Variants in UBE2E2 observed in about 807,000 individuals in gnomAD.
UBE2E2 encodes ubiquitin-conjugating enzyme E2 E2.
In UBE2E2, 6 loss-of-function variants were observed where a neutral mutation model predicts 24.7. The ratio of observed to expected loss-of-function variants is 0.24; its 90% CI spans 0.13 to 0.48. The LOEUF is 0.48. UBE2E2 is among the 20% of genes least tolerant of loss of function. The pLI, the probability that UBE2E2 is intolerant of heterozygous loss-of-function variation, is 0.99. For synonymous variants in UBE2E2, 104 were observed against 83.6 expected (o/e 1.24, Z -1.33); for missense variants, 169 against 245.0 (o/e 0.69, Z 2.07).
chr3:23,302,813 C>T (rs568063275), intron 3 of UBE2E2, among the ~76,000 whole-genome samples: 4 of 152,288 alleles, frequency 2.6e-5, no homozygotes, highest in East Asian at 1.9e-4. Context: ...TTATCAAAAA[C>T]GGACTGCAGT....
chr3:23,531,543 C>G (rs1695123083), intron 4 of UBE2E2, among the ~76,000 whole-genome samples: 1 of 152,092 alleles, frequency 6.6e-6, no homozygotes, highest in African/African-American at 2.4e-5. Flanking sequence ...TTCACAATTA[C>G]ATGTAAGCAG....
intron 3 of UBE2E2, among the ~76,000 whole-genome samples, chr3:23,231,902 C>T (rs183391054): frequency 8.1e-4 from 123 of 152,300 alleles, no homozygotes; most frequent in South Asian, 2.1e-3. Context: ...AGGAGCTTCT[C>T]TACCCATGGA....
At chr3:23,365,724 A>G (rs1696241660) in intron 3 of UBE2E2, among the ~76,000 whole-genome samples, 2 of 152,196 alleles carry the variant, frequency 1.3e-5, no homozygotes, top group Non-Finnish European at 2.9e-5. Flanking sequence ...ATTCCTATCA[A>G]ACTACTGATG....
Position 23,407,605 on chromosome 3 carries a change from TG to T in UBE2E2, c.228-92000del, listed in dbSNP as rs1266491934. ...CTTTTTATGGTTTGTATGTTTGTTT[TG>T]GGAGGAGTGCATGTGTGTGTGTTTG... On this transcript the variant is annotated intron_variant, in intron 3 of 5. Transcript: ENST00000396703. This position sits in a 1 kb window ranked among gnomAD's most constrained non-coding sequence, Gnocchi z 4.0. 6.6e-6 allele frequency among the ~76,000 whole-genome samples: 1 copy of T among 151,394 alleles called. No individual in the cohort carries two copies. Among genetic ancestry groups the T allele is most frequent in the African/African-American group, 2.4e-5 (1 of 41,114 alleles).
chr3:23,554,475 G>A (rs1695725796), intron 5 of UBE2E2, among the ~76,000 whole-genome samples: 1 of 152,050 alleles, frequency 6.6e-6, no homozygotes, highest in Non-Finnish European at 1.5e-5. Context: ...TGATCACACT[G>A]CATTCCAGAC....
At chr3:23,549,074 T>C (rs1695583650) in intron 5 of UBE2E2, among the ~76,000 whole-genome samples, 1 of 152,236 alleles carries the variant, frequency 6.6e-6, no homozygotes, top group African/African-American at 2.4e-5. Context: ...GCTAAACTGT[T>C]TCTTTTTTTA....
At chr3:23,508,789 G>A (rs894967260) in intron 4 of UBE2E2, among the ~76,000 whole-genome samples, 25 of 152,310 alleles carry the variant, frequency 1.6e-4, no homozygotes, top group Admixed American at 1.6e-3. Flanking sequence ...AACTGGGAGG[G>A]GTAGATAGGC....
chr3:23,219,259 G>T (rs1696561134), intron 3 of UBE2E2, among the ~76,000 whole-genome samples: 1 of 152,130 alleles, frequency 6.6e-6, no homozygotes, highest in Admixed American at 6.5e-5. Flanking sequence ...GGCAAGCAAA[G>T]GGTCCTCTGT....
At chr3:23,232,481 A>G (rs911990940) in intron 3 of UBE2E2, among the ~76,000 whole-genome samples, 14 of 147,580 alleles carry the variant, frequency 9.5e-5, no homozygotes, top group African/African-American at 3.4e-4. Context: ...TACCCCTTCA[A>G]ATTTATCAAA....
rs527309991 is a variant in UBE2E2, at chr3:23,419,192, C to A, written c.228-80416C>A. ...GTTGTCCAGGCTGGTCTTAAGCTTC[C>A]TCCTGGCCTCAAGCAGTTATCCTGC... is the stretch of plus-strand genomic sequence containing the variant. On this transcript the variant is annotated intron_variant, in intron 3 of 5. Transcript: ENST00000396703. 2.0e-5 allele frequency among the ~76,000 whole-genome samples: 3 copies of A among 152,096 alleles called. No individual in the cohort carries two copies. The East Asian group carries it at 5.8e-4, about 29-fold the overall frequency.
chr3:23,246,255 C>T (rs1016295401), intron 3 of UBE2E2, among the ~76,000 whole-genome samples: 1 of 125,808 alleles, frequency 7.9e-6, no homozygotes, highest in African/African-American at 3.3e-5. Context: ...GAGTCTCGCT[C>T]TGTCGCCCAG....
chr3:23,482,351 G>A (rs1413775815), intron 3 of UBE2E2, among the ~76,000 whole-genome samples: 2 of 152,176 alleles, frequency 1.3e-5, no homozygotes, highest in South Asian at 2.1e-4. Context: ...AAGTAAACTT[G>A]CGTCTTCTGT....
chr3:23,463,186 A>AT (rs1698848244), intron 3 of UBE2E2, among the ~76,000 whole-genome samples: 1 of 152,094 alleles, frequency 6.6e-6, no homozygotes, highest in Non-Finnish European at 1.5e-5. Context: ...CCCCCTTAAA[A>AT]CATTAATTCT....
intron 3 of UBE2E2, among the ~76,000 whole-genome samples, chr3:23,218,406 A>G (rs1294836374): frequency 6.6e-6 from 1 of 152,126 alleles, no homozygotes; most frequent in Non-Finnish European, 1.5e-5. Context: ...GGACTGTATT[A>G]CATCAAAGCC....
intron 3 of UBE2E2, among the ~76,000 whole-genome samples, chr3:23,403,859 T>A (rs1473792006): frequency 6.9e-6 from 1 of 144,798 alleles, no homozygotes; most frequent in Non-Finnish European, 1.5e-5. Flanking sequence ...TTTAAAAACA[T>A]AGAGGACAAA....
At chr3:23,269,122 C>T in intron 3 of UBE2E2, among the ~76,000 whole-genome samples, 1 of 151,976 alleles carries the variant, frequency 6.6e-6, no homozygotes, top group Non-Finnish European at 1.5e-5. Flanking sequence ...CTAGGCATTA[C>T]TGTTCAGGAC....
At chr3:23,320,010 CAAG>C (rs757278336) in intron 3 of UBE2E2, among the ~76,000 whole-genome samples, 4 of 152,072 alleles carry the variant, frequency 2.6e-5, no homozygotes, top group Non-Finnish European at 4.4e-5. Flanking sequence ...AGTTTTCTTT[CAAG>C]AAGGAGACTT....
At chr3:23,567,946 C>G (rs2125509539) in intron 5 of UBE2E2, among the ~76,000 whole-genome samples, 1 of 152,200 alleles carries the variant, frequency 6.6e-6, no homozygotes, top group South Asian at 2.1e-4. Context: ...TGGTTGGTCC[C>G]ACCTTTAGCA....
intron 5 of UBE2E2, among the ~76,000 whole-genome samples, chr3:23,564,036 T>TG (rs1375313156): frequency 7.2e-6 from 1 of 138,764 alleles, no homozygotes; most frequent in Non-Finnish European, 1.6e-5. Flanking sequence ...AGGTTTTTTC[T>TG]GTTTTTTTTT....
Sources: gnomAD v4.1 joint callset for allele counts (sites outside exome capture counted in the v4.1 genomes callset) on GRCh38, gnomAD v4.1.1 for gene constraint, Gnocchi (gnomAD v3.1) non-coding constraint, MANE v1.5 for transcripts, NCBI Gene and HGNC (gene_info 2026-07-23, HGNC 2026-07-21) for gene names.